The following LLPH variants were observed in gnomAD, a reference collection of about 807,000 sequenced individuals.
LLPH encodes the protein LLP homolog, long-term synaptic facilitation factor, also known as protein LLP homolog.
In LLPH, 5 loss-of-function variants were observed where a neutral mutation model predicts 13.3. The ratio of observed to expected loss-of-function variants is 0.38; its 90% CI spans 0.20 to 0.79. LLPH has a LOEUF of 0.79. LLPH is among the 30% of genes least tolerant of loss of function. The probability of loss-of-function intolerance (pLI) is 0.45; values close to 1 mark genes in which losing one functional copy is unlikely to be tolerated. For synonymous variants in LLPH, 32 were observed against 44.2 expected, an observed-to-expected ratio of 0.72 and a Z score of 1.09; for missense variants, 129 against 152.1, an observed-to-expected ratio of 0.85 and a Z score of 0.80.
Position 66,118,519 on chromosome 12 carries a change from T to C in LLPH, c.*5321A>G, listed in dbSNP as rs2051443502. The C allele has an allele frequency of 6.6e-6, 1 of 151,046 alleles. No homozygotes were observed. The highest frequency in any genetic ancestry group is 1.5e-5 in the Non-Finnish European group (1 of 68,034). 9.4% of individuals were successfully genotyped at this position (151,046 alleles called of 1,614,324 possible). A position where few individuals can be genotyped will look rare whatever the true frequency, so the allele number is the denominator to read the frequency against. On this transcript the variant is annotated 3_prime_UTR_variant, in exon 3 of 3. Coordinates refer to ENST00000266604, the MANE Select transcript of LLPH (RefSeq NM_032338.4). ...CCATTTTTTTATCTTTTATACTGTA[T>C]TTTTACTGTACCTTTTCTATGTTTA...
chr12:66,129,721 A>G (rs953753672), intron 1 of LLPH, among the ~76,000 whole-genome samples: 4 of 152,194 alleles, frequency 2.6e-5, no homozygotes, highest in South Asian at 2.1e-4. Flanking sequence ...TAATTTCCCC[A>G]GAATGCAACA....
intron 2 of LLPH, among the ~76,000 whole-genome samples, chr12:66,128,453 A>C (rs1592526252): frequency 1.3e-5 from 2 of 152,314 alleles, no homozygotes; most frequent in East Asian, 1.9e-4. Flanking sequence ...CATAGGACTC[A>C]TAGAATGGGA....
At chr12:66,129,404 G>C (rs1297883899) in intron 1 of LLPH, among the ~76,000 whole-genome samples, 1 of 126,186 alleles carries the variant, frequency 7.9e-6, no homozygotes, top group Non-Finnish European at 1.7e-5. Flanking sequence ...TTTTTTTTTT[G>C]AGACAGAGTC....
chr12:66,128,072 C>T (rs2051508822), intron 2 of LLPH, among the ~76,000 whole-genome samples: 1 of 152,106 alleles, frequency 6.6e-6, no homozygotes, highest in South Asian at 2.1e-4. Flanking sequence ...TGGTTGGCCC[C>T]TTTTTCTCAC....
rs2051436330 is a variant in LLPH at position 66,117,527 on chromosome 12, C to G, written c.*6313G>C. 6.6e-6 allele frequency: 1 copy of G among 152,214 alleles called. No homozygotes were observed. The highest frequency in any genetic ancestry group is 2.1e-4 in the South Asian group (1 of 4,832). The allele number at this position is 152,214 out of a possible 1,614,324, so 9.4% of individuals were successfully genotyped here. A position where few individuals can be genotyped will look rare whatever the true frequency, so the allele number is the denominator to read the frequency against. On this transcript the variant is annotated 3_prime_UTR_variant, in exon 3 of 3. Transcript: ENST00000266604. ...TGCTGTCAGTCATATAAAGGTATAG[C>G]ACATACAATTATGTACAGTTCATAA... is the stretch of plus-strand genomic sequence containing the variant.
intron 2 of LLPH, 103 bp downstream of exon 2, chr12:66,128,793 C>T: frequency 1.3e-6 from 1 of 758,808 alleles, no homozygotes; most frequent in East Asian, 2.6e-5. Flanking sequence ...CTGCAGGAAG[C>T]TATAATCACA....
intron 2 of LLPH, among the ~76,000 whole-genome samples, chr12:66,125,290 A>T (rs1294019703): frequency 6.6e-6 from 1 of 152,188 alleles, no homozygotes; most frequent in Non-Finnish European, 1.5e-5. Flanking sequence ...TGAAAGCAGG[A>T]AAAAAATGGA....
At chr12:66,129,442 G>A (rs950123744) in intron 1 of LLPH, among the ~76,000 whole-genome samples, 1 of 151,074 alleles carries the variant, frequency 6.6e-6, no homozygotes, top group Non-Finnish European at 1.5e-5. Flanking sequence ...CTGGAGTGCA[G>A]TGGCGCGATC....
At position 66,117,010 on chromosome 12, in the gene LLPH, T is replaced by G. The variant is rs756489293; in HGVS notation, c.*6830A>C. On this transcript the variant is annotated 3_prime_UTR_variant, in exon 3 of 3. Coordinates refer to ENST00000266604, the MANE Select transcript of LLPH (RefSeq NM_032338.4). Reference sequence around the variant, plus strand: ...AAAAAGATACTTAAGTCTACAGTTATGTAGTACCAAAAAACTATGTAGAGC... The same window carrying G: ...AAAAAGATACTTAAGTCTACAGTTAGGTAGTACCAAAAAACTATGTAGAGC... 32 of 152,230 alleles carry G rather than the reference T, an allele frequency of 2.1e-4. No homozygotes were observed. Among genetic ancestry groups the G allele is most frequent in the Non-Finnish European group, 4.0e-4 (27 of 68,038 alleles). 9.4% of individuals were successfully genotyped at this position (152,230 alleles called of 1,614,324 possible). A position where few individuals can be genotyped will look rare whatever the true frequency, so the allele number is the denominator to read the frequency against.
rs1592521946 is a variant in LLPH at position 66,117,995 on chromosome 12, C to A, written c.*5845G>T. ...AAACGTTTATAAGGTAAAAAAGTTA[C>A]AGGAAGCTAAAGTTAATTTATTATT... On this transcript the variant is annotated 3_prime_UTR_variant, in exon 3 of 3. Transcript: ENST00000266604. The A allele has an allele frequency of 6.6e-6, 1 of 152,118 alleles. No homozygotes were observed. The highest frequency in any genetic ancestry group is 2.4e-5 in the African/African-American group (1 of 41,416). The allele number at this position is 152,118 out of a possible 1,614,324, so 9.4% of individuals were successfully genotyped here. A position where few individuals can be genotyped will look rare whatever the true frequency, so the allele number is the denominator to read the frequency against.
intron 2 of LLPH, among the ~76,000 whole-genome samples, chr12:66,125,631 A>G (rs369437430): frequency 6.6e-6 from 1 of 152,162 alleles, no homozygotes. Context: ...AGGAAAAAAA[A>G]AGACTTAACA....
At position 66,123,389 on chromosome 12, in the gene LLPH, T is replaced by G. The variant is rs1332501059; in HGVS notation, c.*451A>C. The G allele has an allele frequency of 6.4e-6, 1 of 156,082 alleles. No individual in the cohort carries two copies. The allele number at this position is 156,082 out of a possible 1,614,324, so 9.7% of individuals were successfully genotyped here. On this transcript the variant is annotated 3_prime_UTR_variant, in exon 3 of 3. Coordinates refer to ENST00000266604, the MANE Select transcript of LLPH (RefSeq NM_032338.4). ...ATCCACCTGCCTCGGCCTCCCAAAG[T>G]GCTGGGATTACAGGTGTGAGCCACC...
chr12:66,128,896 C>T lies in LLPH; in HGVS notation c.211G>A (p.Asp71Asn), dbSNP rs777868995. 1.3e-6 allele frequency: 2 copies of T among 1,590,232 alleles called. No individual in the cohort carries two copies. Among genetic ancestry groups the T allele is most frequent in the South Asian group, 2.2e-5 (2 of 88,928 alleles). Residue 71 changes from aspartate (D) to asparagine (N), a missense_variant and splice_region_variant, in exon 2 of 3, where the codon GAT becomes AAT. Transcript: ENST00000266604. ...AAAGAAAAAGGAGAAGCACACTCAC[C>T]TTTTTCATCTTTTACCTCACATTGC... ...KMQCEVKDEKDDMKMETDIKR... is the reference protein window; with the variant it reads ...KMQCEVKDEKNDMKMETDIKR...
chr12:66,128,447 G>C (rs1388184024), intron 2 of LLPH, among the ~76,000 whole-genome samples: 1 of 152,094 alleles, frequency 6.6e-6, no homozygotes, highest in Non-Finnish European at 1.5e-5. Flanking sequence ...TAAGGGCATA[G>C]GACTCATAGA....
chr12:66,124,955 G>C (rs1021078058), intron 2 of LLPH, among the ~76,000 whole-genome samples: 1 of 152,172 alleles, frequency 6.6e-6, no homozygotes, highest in Non-Finnish European at 1.5e-5. Flanking sequence ...CTATTCGGGA[G>C]ACTGGGGTGG....
At chr12:66,124,053 G>A (rs1477356592) in intron 2 of LLPH, 35 bp from the exon 3 acceptor site, 1 of 1,495,190 alleles carries the variant, frequency 6.7e-7, no homozygotes, top group Non-Finnish European at 9.1e-7. Flanking sequence ...TTAACACCAT[G>A]TATGAAAAAA....
chr12:66,119,403 G>A lies in LLPH; in HGVS notation c.*4437C>T, dbSNP rs2051449009. On this transcript the variant is annotated 3_prime_UTR_variant, in exon 3 of 3. Coordinates refer to ENST00000266604, the MANE Select transcript of LLPH (RefSeq NM_032338.4). Reference sequence around the variant, plus strand: ...GGAAAATTTAGGGTTTTGTAAGCAGGCCCAAAAGTGGCCCTGGGCCTCCTG... The same window carrying A: ...GGAAAATTTAGGGTTTTGTAAGCAGACCCAAAAGTGGCCCTGGGCCTCCTG... The A allele has an allele frequency of 6.6e-6, 1 of 152,122 alleles. No individual in the cohort carries two copies. The highest frequency in any genetic ancestry group is 1.5e-5 in the Non-Finnish European group (1 of 68,030). 9.4% of individuals were successfully genotyped at this position (152,122 alleles called of 1,614,324 possible).
intron 2 of LLPH, among the ~76,000 whole-genome samples, chr12:66,125,684 A>T (rs1033796403): frequency 6.6e-6 from 1 of 152,190 alleles, no homozygotes; most frequent in Admixed American, 6.5e-5. Flanking sequence ...TCCTGGAGCC[A>T]TTCCAAATCT....
intron 2 of LLPH, among the ~76,000 whole-genome samples, chr12:66,127,906 C>G (rs1391894800): frequency 2.0e-5 from 3 of 152,148 alleles, no homozygotes; most frequent in African/African-American, 7.2e-5. Context: ...AAGGCAGATG[C>G]ATGAGTACAA....
Sources: allele counts gnomAD v4.1 joint callset (sites outside exome capture counted in the v4.1 genomes callset), GRCh38; gene constraint gnomAD v4.1.1; transcripts MANE v1.5; gene names NCBI Gene and HGNC (gene_info 2026-07-23, HGNC 2026-07-21).